Variants in AHCTF1 observed in about 807,000 individuals in gnomAD.
AHCTF1 encodes the protein AT-hook containing transcription factor 1, also known as protein ELYS.
Under a neutral mutation model 248.4 loss-of-function variants are expected in AHCTF1, and 24 were observed. That is an observed-to-expected ratio of 0.10 (90% confidence interval 0.07 to 0.14). The LOEUF (loss-of-function observed/expected upper bound fraction) is 0.14, where lower values mean the gene tolerates loss of function less well. AHCTF1 is among the 10% of genes least tolerant of loss of function. AHCTF1 has a pLI of 1.00. For synonymous variants in AHCTF1, 786 were observed against 929.8 expected, an observed-to-expected ratio of 0.85 and a Z score of 2.81; for missense variants, 2,206 against 2,636.2, an observed-to-expected ratio of 0.84 and a Z score of 3.57.
At chr1:246,908,478 G>A (rs2103197405) in intron 4 of AHCTF1, among the ~76,000 whole-genome samples, 1 of 152,166 alleles carries the variant, frequency 6.6e-6, no homozygotes, top group African/African-American at 2.4e-5. Flanking sequence ...TGCCTGTTCT[G>A]TAGACATTGT....
chr1:246,890,212 T>A (rs2103136845), intron 16 of AHCTF1, among the ~76,000 whole-genome samples, 153 bp from the exon 17 acceptor site: 1 of 152,340 alleles, frequency 6.6e-6, no homozygotes, highest in Non-Finnish European at 1.5e-5. Flanking sequence ...ACTACACATC[T>A]TTTTATTTAC....
At chr1:246,916,824 C>G (rs1280675984) in intron 2 of AHCTF1, among the ~76,000 whole-genome samples, 1 of 152,152 alleles carries the variant, frequency 6.6e-6, no homozygotes, top group Non-Finnish European at 1.5e-5. Flanking sequence ...AGATCCCAAG[C>G]CTGTTTAACT....
At chr1:246,880,589 T>G (rs1426311661) in intron 21 of AHCTF1, among the ~76,000 whole-genome samples, 1 of 149,906 alleles carries the variant, frequency 6.7e-6, no homozygotes, top group Non-Finnish European at 1.5e-5. Flanking sequence ...AAAAAAAAAT[T>G]CCACTTTAAA....
intron 1 of AHCTF1, among the ~76,000 whole-genome samples, chr1:246,918,640 C>G (rs546009836): frequency 6.6e-6 from 1 of 152,348 alleles, no homozygotes; most frequent in African/African-American, 2.4e-5. Flanking sequence ...TTCACTCCAG[C>G]ATGGGCGACA....
intron 5 of AHCTF1, among the ~76,000 whole-genome samples, chr1:246,907,132 G>C (rs1665448323): frequency 6.6e-6 from 1 of 152,138 alleles, no homozygotes; most frequent in African/African-American, 2.4e-5. Context: ...AACCTGTACA[G>C]CATGTTACTG....
intron 13 of AHCTF1, 124 bp downstream of exon 13, chr1:246,895,711 T>A (rs997078407): frequency 2.6e-6 from 2 of 776,400 alleles, no homozygotes; most frequent in Non-Finnish European, 4.1e-6. Context: ...CTCTATTGCA[T>A]CTTAACAACT....
intron 33 of AHCTF1, among the ~76,000 whole-genome samples, chr1:246,846,008 C>T (rs926049672): frequency 6.6e-6 from 1 of 151,184 alleles, no homozygotes; most frequent in Non-Finnish European, 1.5e-5. Context: ...TCTCAATGAA[C>T]TTCAGTTTCC....
chr1:246,854,232 G>T (rs1660934401), intron 31 of AHCTF1, among the ~76,000 whole-genome samples: 1 of 138,644 alleles, frequency 7.2e-6, no homozygotes, highest in African/African-American at 2.7e-5. Context: ...CTGGGAGGCG[G>T]AGCTTGCAGT....
chr1:246,921,008 C>CTT (rs147898082), intron 1 of AHCTF1, among the ~76,000 whole-genome samples: 4,008 of 152,138 alleles, frequency 0.026, 177 homozygotes, highest in African/African-American at 0.092. Flanking sequence ...AGGAGAATCG[C>CTT]TTGAACCTGG....
rs573253691 is a variant in AHCTF1, at chr1:246,914,369, A to T, written c.376-957T>A. Among the ~76,000 whole-genome samples, 3 of 152,314 alleles carry T rather than the reference A, an allele frequency of 2.0e-5. No homozygotes were observed. The South Asian group carries it at 6.2e-4, about 32-fold the overall frequency. On this transcript the variant is annotated intron_variant, in intron 3 of 35. Coordinates refer to ENST00000648844, the MANE Select transcript of AHCTF1 (RefSeq NM_001323342.2). ...TTCTGGCAAGAAAAGAAAATATCTGATATCAATGATTCATGTGTTAAAAAG... is the reference window on the plus strand; with the variant it reads ...TTCTGGCAAGAAAAGAAAATATCTGTTATCAATGATTCATGTGTTAAAAAG...
chr1:246,894,732 G>A lies in AHCTF1; in HGVS notation c.1731C>T (p.Ala577=). Residue 577 remains alanine (A), a synonymous_variant, in exon 14 of 36, where the codon GCC becomes GCT. Transcript: ENST00000648844. ...ATTCAAGAACAAAGCGCAAATTAGT[G>A]GCAGAATTTGGTTGTTCTTATTTGT... is the stretch of plus-strand genomic sequence containing the variant. ...RWITEEQPNS[A]TNLRFVLEWT... The A allele has an allele frequency of 6.2e-7, 1 of 1,613,412 alleles. No individual in the cohort carries two copies. The highest frequency in any genetic ancestry group is 1.3e-5 in the African/African-American group (1 of 74,974).
chr1:246,890,182 T>C (rs1664123878), intron 16 of AHCTF1, 123 bp from the exon 17 acceptor site: 1 of 595,592 alleles, frequency 1.7e-6, no homozygotes, highest in Non-Finnish European at 2.9e-6. Flanking sequence ...AGGGTGGGTA[T>C]ATTTAGGTAA....
Sources: allele counts gnomAD v4.1 joint callset (sites outside exome capture counted in the v4.1 genomes callset), GRCh38; gene constraint gnomAD v4.1.1; transcripts MANE v1.5; gene names NCBI Gene and HGNC (gene_info 2026-07-23, HGNC 2026-07-21).